LRP5: variants seen among roughly 807,000 people sequenced by gnomAD.
LRP5 encodes low-density lipoprotein receptor-related protein 5.
A neutral mutation model predicts 154.1 loss-of-function variants in LRP5; 62 were observed. The observed-to-expected ratio is 0.40, with a 90% CI of 0.33 to 0.50. The LOEUF (loss-of-function observed/expected upper bound fraction) is 0.50, where lower values mean the gene tolerates loss of function less well. Ranked by LOEUF, LRP5 falls within the 20% of genes least tolerant of loss-of-function variation. The probability of loss-of-function intolerance (pLI) is 0.55; values close to 1 mark genes in which losing one functional copy is unlikely to be tolerated. For missense variants in LRP5, 1,915 were observed against 2,336.7 expected (o/e 0.82, Z 3.72); for synonymous variants, 966 against 1,011.5 (o/e 0.96, Z 0.85).
At chr11:68,381,429 C>G (rs1222323934) in intron 5 of LRP5, among the ~76,000 whole-genome samples, 3 of 152,178 alleles carry the variant, frequency 2.0e-5, no homozygotes, top group Non-Finnish European at 2.9e-5. Flanking sequence ...TCGGCCATCC[C>G]TTGGGATGGC....
chr11:68,317,439 T>C (rs1367871559), intron 1 of LRP5, among the ~76,000 whole-genome samples: 1 of 152,074 alleles, frequency 6.6e-6, no homozygotes, highest in East Asian at 1.9e-4. Flanking sequence ...GTGAAGATAT[T>C]TGGGGTCTGA....
intron 7 of LRP5, among the ~76,000 whole-genome samples, chr11:68,392,427 C>T (rs1484452347): frequency 2.0e-5 from 3 of 151,964 alleles, no homozygotes; most frequent in African/African-American, 7.3e-5. Flanking sequence ...TCGCTTGAGC[C>T]CGGGAGGTGG....
rs983903793 is a variant in LRP5, at chr11:68,447,002, G to A, written c.4586+469G>A. The A allele has an allele frequency of 5.7e-5, 12 of 208,996 alleles. No individual in the cohort carries two copies. Among genetic ancestry groups the A allele is most frequent in the East Asian group, 3.8e-4 (3 of 7,998 alleles). 12.9% of individuals were successfully genotyped at this position (208,996 alleles called of 1,614,324 possible). A position where few individuals can be genotyped will look rare whatever the true frequency, so the allele number is the denominator to read the frequency against. On this transcript the variant is annotated intron_variant, in intron 22 of 22. Transcript: ENST00000294304. The surrounding 1 kb of genome is among the most constrained non-coding windows in gnomAD (Gnocchi z 4.3). ...TCGTGTGACGTCACCAGGATGGTCC[G>A]GGCTGCTCACTTGCCACAGTGGCCT...
rs1329839877 is a variant in LRP5 at position 68,443,573 on chromosome 11, ATATATATATATATTTT to A, written c.4489-2861_4489-2846del. 1.7e-3 allele frequency among the ~76,000 whole-genome samples: 73 copies of A among 43,560 alleles called. 3 individuals are homozygous for A. Among genetic ancestry groups the A allele is most frequent in the East Asian group, 7.3e-3 (11 of 1,516 alleles). The allele number at this position is 43,560 out of a possible 152,430, so 28.6% of individuals were successfully genotyped here. On this transcript the variant is annotated intron_variant, in intron 21 of 22. Coordinates refer to ENST00000294304, the MANE Select transcript of LRP5 (RefSeq NM_002335.4). ...TATATATATATATATATATATATAT[ATATATATATATATTTT>A]TTTTTTTTTTGGTTATGTTCAGAAA...
chr11:68,346,770 C>T (rs780594174), intron 1 of LRP5, among the ~76,000 whole-genome samples: 16 of 152,218 alleles, frequency 1.1e-4, no homozygotes, highest in East Asian at 3.8e-4. Flanking sequence ...ACAGCAGACA[C>T]GGACTGATGG....
At chr11:68,364,145 T>C (rs1188987175) in intron 4 of LRP5, among the ~76,000 whole-genome samples, 4 of 150,030 alleles carry the variant, frequency 2.7e-5, no homozygotes, top group Non-Finnish European at 5.9e-5. Context: ...GAGGGAGGTG[T>C]GTGGCTGGCT....
intron 10 of LRP5, among the ~76,000 whole-genome samples, 182 bp from the exon 11 acceptor site, chr11:68,411,254 T>C (rs764021094): frequency 6.6e-6 from 1 of 152,208 alleles, no homozygotes; most frequent in Non-Finnish European, 1.5e-5. Flanking sequence ...TGACCACCCC[T>C]GGAGGGATAT....
intron 1 of LRP5, among the ~76,000 whole-genome samples, chr11:68,317,740 G>A (rs2098594285): frequency 6.6e-6 from 1 of 152,224 alleles, no homozygotes; most frequent in Non-Finnish European, 1.5e-5. Context: ...CCTTGTAGGG[G>A]GCAGTTGACA....
At chr11:68,325,638 C>T (rs112790364) in intron 1 of LRP5, among the ~76,000 whole-genome samples, 7 of 152,324 alleles carry the variant, frequency 4.6e-5, no homozygotes, top group African/African-American at 1.7e-4. Flanking sequence ...GGGGCAGTAG[C>T]GAGCTGCAGG....
In LRP5 at chr11:68,383,752, C is replaced by T. The variant is rs568224370; in HGVS notation, c.1016-2564C>T. ...CATGAGGCCGACTGTTGGTATGGGG[C>T]GGCCATCCACTGGGGTGTGGGGAGG... is the stretch of plus-strand genomic sequence containing the variant. On this transcript the variant is annotated intron_variant, in intron 5 of 22. Transcript: ENST00000294304. 2.6e-4 allele frequency among the ~76,000 whole-genome samples: 39 copies of T among 152,268 alleles called. 1 individual carries two copies. The East Asian group carries it at 4.1e-3, about 16-fold the overall frequency.
chr11:68,378,773 C>T (rs2098638788), intron 5 of LRP5, among the ~76,000 whole-genome samples: 1 of 152,020 alleles, frequency 6.6e-6, no homozygotes, highest in Non-Finnish European at 1.5e-5. Flanking sequence ...CGCGGTGGCT[C>T]ACACCTGTAA....
rs571406782 is a variant in LRP5 at position 68,387,196 on chromosome 11, C to T, written c.1412+484C>T. 1.1e-3 allele frequency among the ~76,000 whole-genome samples: 168 copies of T among 151,700 alleles called. 1 individual carries two copies. Among genetic ancestry groups the T allele is most frequent in the African/African-American group, 4.0e-3 (164 of 41,346 alleles). On this transcript the variant is annotated intron_variant, in intron 6 of 22. Coordinates refer to ENST00000294304, the MANE Select transcript of LRP5 (RefSeq NM_002335.4). ...GTGGTGTGATCTCAGCTCACTACAACCTCTGCCTCCTGGGCTCAAGTGATT... is the reference window on the plus strand; with the variant it reads ...GTGGTGTGATCTCAGCTCACTACAATCTCTGCCTCCTGGGCTCAAGTGATT...
chr11:68,312,751 CTG>C lies in LRP5; in HGVS notation c.38_39del (p.Leu13ProfsTer138). 9.7e-7 allele frequency: 1 copy of C among 1,030,720 alleles called. No individual in the cohort carries two copies. Among genetic ancestry groups the C allele is most frequent in the Non-Finnish European group, 1.2e-6 (1 of 841,420 alleles). 63.8% of individuals were successfully genotyped at this position (1,030,720 alleles called of 1,614,324 possible). A position where few individuals can be genotyped will look rare whatever the true frequency, so the allele number is the denominator to read the frequency against. On this transcript the variant is annotated frameshift_variant, in exon 1 of 23. Transcript: ENST00000294304. LOFTEE classifies it high-confidence loss of function. ...AAPPGPPWPL[L>X]LLLLLLLALC... The stretch of plus-strand genomic sequence containing the variant: ...GCCGCCCGGGCCGCCGTGGCCGCTG[CTG>C]CTGCTGCTGCTGCTGCTGCTGGCGC...
At chr11:68,383,324 C>T (rs1325512136) in intron 5 of LRP5, among the ~76,000 whole-genome samples, 1 of 152,162 alleles carries the variant, frequency 6.6e-6, no homozygotes, top group African/African-American at 2.4e-5. Context: ...AAGCGTGATT[C>T]GTCTTGCGCT....
intron 17 of LRP5, among the ~76,000 whole-genome samples, chr11:68,430,269 GT>G: frequency 6.6e-6 from 1 of 152,298 alleles, no homozygotes; most frequent in Admixed American, 6.5e-5. Context: ...TGCCTCCCGG[GT>G]TCAAGTGATC....
intron 22 of LRP5, chr11:68,446,902 C>T: frequency 2.8e-6 from 1 of 355,702 alleles, no homozygotes. Flanking sequence ...TGAGATGCCC[C>T]CTCTTGGTGG....
At chr11:68,445,412 AT>A (rs1253744800) in intron 21 of LRP5, among the ~76,000 whole-genome samples, 2 of 152,126 alleles carry the variant, frequency 1.3e-5, no homozygotes, top group Non-Finnish European at 2.9e-5. Context: ...GCTGAGGTAA[AT>A]TCCCTCCCCA....
intron 1 of LRP5, among the ~76,000 whole-genome samples, chr11:68,344,475 CG>C (rs1294704442): frequency 6.6e-3 from 2 of 302 alleles, no homozygotes; most frequent in South Asian, 0.083. Flanking sequence ...TGAGCCACCA[CG>C]CCCCAGCTAA....
intron 3 of LRP5, 149 bp from the exon 4 acceptor site, chr11:68,363,598 A>G (rs1211202592): frequency 8.8e-6 from 6 of 683,740 alleles, no homozygotes; most frequent in Non-Finnish European, 1.5e-5. Context: ...CGGAGGTTGC[A>G]GTGAGCTGAG....
Sources: gnomAD v4.1 joint callset for allele counts (sites outside exome capture counted in the v4.1 genomes callset) on GRCh38, gnomAD v4.1.1 for gene constraint, Gnocchi (gnomAD v3.1) non-coding constraint, MANE v1.5 for transcripts, NCBI Gene and HGNC (gene_info 2026-07-23, HGNC 2026-07-21) for gene names.